Variants in TTC13 observed in about 807,000 individuals in gnomAD.
TTC13 encodes the protein tetratricopeptide repeat protein 13.
Under a neutral mutation model 120.0 loss-of-function variants are expected in TTC13, and 62 were observed. The ratio of observed to expected loss-of-function variants is 0.52; its 90% confidence interval spans 0.42 to 0.64. TTC13 has a LOEUF of 0.64. Ranked by LOEUF, TTC13 falls within the 30% of genes least tolerant of loss-of-function variation. The pLI is 0.00. For missense variants in TTC13, 824 were observed against 1,050.2 expected, an observed-to-expected ratio of 0.78 and a Z score of 2.98; for synonymous variants, 384 against 393.5, an observed-to-expected ratio of 0.98 and a Z score of 0.28.
chr1:230,974,069 T>A (rs1678020893), intron 1 of TTC13, among the ~76,000 whole-genome samples: 2 of 142,712 alleles, frequency 1.4e-5, no homozygotes, highest in Admixed American at 7.1e-5. Context: ...AGGGCGATAC[T>A]CCATCTCAAA....
chr1:230,953,988 T>C (rs745726060), intron 4 of TTC13, among the ~76,000 whole-genome samples: 1 of 152,186 alleles, frequency 6.6e-6, no homozygotes, highest in Non-Finnish European at 1.5e-5. Context: ...TGGGAGATAT[T>C]GTGGTAGAGA....
chr1:230,918,114 T>C (rs1179648400), intron 17 of TTC13, among the ~76,000 whole-genome samples: 2 of 152,246 alleles, frequency 1.3e-5, no homozygotes, highest in African/African-American at 4.8e-5. Flanking sequence ...ATGTTTATCA[T>C]TTAATCAATA....
At chr1:230,938,720 C>CT (rs1674298335) in intron 8 of TTC13, among the ~76,000 whole-genome samples, 1 of 152,214 alleles carries the variant, frequency 6.6e-6, no homozygotes, top group African/African-American at 2.4e-5. Context: ...AGCCACCACA[C>CT]TGTCAGAATC....
At chr1:230,908,514 A>C in intron 22 of TTC13, 198 bp downstream of exon 22, 1 of 588,660 alleles carries the variant, frequency 1.7e-6, no homozygotes, top group Admixed American at 2.9e-5. Context: ...TTATCCATAC[A>C]TTCACCCTTA....
chr1:230,931,216 A>G, intron 11 of TTC13, 82 bp downstream of exon 11: 1 of 1,478,872 alleles, frequency 6.8e-7, no homozygotes, highest in Non-Finnish European at 9.2e-7. Flanking sequence ...ACTGTTTCAT[A>G]CGAAACATAA....
At chr1:230,950,502 T>C (rs1572255324) in intron 4 of TTC13, among the ~76,000 whole-genome samples, 1 of 152,338 alleles carries the variant, frequency 6.6e-6, no homozygotes, top group Admixed American at 6.5e-5. Flanking sequence ...CAGTATTTAC[T>C]GTATTTACCA....
chr1:230,938,731 T>C (rs1344907596), intron 8 of TTC13, among the ~76,000 whole-genome samples: 8 of 152,346 alleles, frequency 5.3e-5, no homozygotes, highest in African/African-American at 1.9e-4. Context: ...TGTCAGAATC[T>C]ACTTCCTAAA....
At chr1:230,949,507 G>A (rs539361117) in intron 4 of TTC13, among the ~76,000 whole-genome samples, 7 of 150,090 alleles carry the variant, frequency 4.7e-5, no homozygotes, top group African/African-American at 1.7e-4. Flanking sequence ...AGGATTGGAT[G>A]TGTGCCCCAC....
chr1:230,959,583 G>A (rs1330520335), intron 2 of TTC13, among the ~76,000 whole-genome samples: 1 of 152,194 alleles, frequency 6.6e-6, no homozygotes, highest in African/African-American at 2.4e-5. Context: ...GTTTCTCCAT[G>A]TTGGTGAGGC....
intron 2 of TTC13, among the ~76,000 whole-genome samples, chr1:230,960,845 C>T (rs1307706557): frequency 1.3e-5 from 2 of 152,120 alleles, no homozygotes; most frequent in African/African-American, 4.8e-5. Flanking sequence ...GAGAGGTCCA[C>T]GGTATAGTTT....
Position 230,942,678 on chromosome 1 carries a change from G to A in TTC13, c.672+1128C>T, listed in dbSNP as rs1047086072. Among the ~76,000 whole-genome samples the A allele has an allele frequency of 4.6e-5, 7 of 152,090 alleles. No homozygotes were observed. The highest frequency in any genetic ancestry group is 1.0e-4 in the Non-Finnish European group (7 of 68,018). The stretch of plus-strand genomic sequence containing the variant: ...AATACATTAACACATATGAAGCCTA[G>A]ATAGCTTATTATTTTAAGAAAGTAA... On this transcript the variant is annotated intron_variant, in intron 6 of 22. Coordinates refer to ENST00000366661, the MANE Select transcript of TTC13 (RefSeq NM_024525.5). The surrounding 1 kb of genome is among the most constrained non-coding windows in gnomAD (Gnocchi z 4.0).
At chr1:230,971,573 TTA>T (rs1387457341) in intron 1 of TTC13, among the ~76,000 whole-genome samples, 1 of 152,196 alleles carries the variant, frequency 6.6e-6, no homozygotes, top group Non-Finnish European at 1.5e-5. Context: ...GATTATTAAA[TTA>T]TAAAGTAAAC....
intron 5 of TTC13, among the ~76,000 whole-genome samples, chr1:230,945,087 C>CT (rs2102894939): frequency 6.6e-6 from 1 of 152,296 alleles, no homozygotes; most frequent in South Asian, 2.1e-4. Context: ...AACTCAAACT[C>CT]TAAGTCCTAC....
At chr1:230,907,815 G>A (rs1391280973) in intron 22 of TTC13, among the ~76,000 whole-genome samples, 2 of 152,086 alleles carry the variant, frequency 1.3e-5, no homozygotes, top group African/African-American at 2.4e-5. Context: ...CAGGAGAAGG[G>A]GCAAAAATAA....
At chr1:230,929,370 G>A (rs9432266) in intron 11 of TTC13, among the ~76,000 whole-genome samples, 101,929 of 149,680 alleles carry the variant, frequency 0.68, 34,822 homozygotes, top group Admixed American at 0.72. Flanking sequence ...GCTGGAGTGC[G>A]GTGGTGCAAT....
chr1:230,976,458 G>A (rs1020963221), intron 1 of TTC13, among the ~76,000 whole-genome samples: 19 of 152,226 alleles, frequency 1.2e-4, no homozygotes, highest in African/African-American at 4.1e-4. Flanking sequence ...TACAACAACA[G>A]AGTTGGCTTT....
chr1:230,958,073 T>G (rs1676271638), intron 3 of TTC13, 151 bp downstream of exon 3: 1 of 548,584 alleles, frequency 1.8e-6, no homozygotes, highest in Non-Finnish European at 3.0e-6. Flanking sequence ...ATAAATGGAA[T>G]GTCACAAGGG....
At chr1:230,971,413 A>G (rs1182034353) in intron 1 of TTC13, among the ~76,000 whole-genome samples, 1 of 151,862 alleles carries the variant, frequency 6.6e-6, no homozygotes, top group Non-Finnish European at 1.5e-5. Flanking sequence ...ATGGCCCCGA[A>G]ATATGGTCCC....
intron 1 of TTC13, among the ~76,000 whole-genome samples, chr1:230,964,898 A>G (rs1015987598): frequency 3.3e-5 from 5 of 152,232 alleles, no homozygotes; most frequent in East Asian, 3.8e-4. Context: ...TTTTCAATAA[A>G]TGGTGCTGGG....
Sources: gnomAD v4.1 joint callset for allele counts (sites outside exome capture counted in the v4.1 genomes callset) on GRCh38, gnomAD v4.1.1 for gene constraint, Gnocchi (gnomAD v3.1) non-coding constraint, MANE v1.5 for transcripts, NCBI Gene and HGNC (gene_info 2026-07-23, HGNC 2026-07-21) for gene names.